PER3: variants seen among roughly 807,000 people sequenced by gnomAD.
PER3 encodes period circadian regulator 3, also known as period circadian protein homolog 3.
Under a neutral mutation model 127.2 loss-of-function variants are expected in PER3, and 107 were observed. That is an observed-to-expected ratio of 0.84 (90% confidence interval 0.72 to 0.99). The LOEUF is 0.99. PER3 is among the 50% of genes least tolerant of loss of function. The pLI, the probability that PER3 is intolerant of heterozygous loss-of-function variation, is 0.00. For synonymous variants in PER3, 618 were observed against 585.8 expected, an observed-to-expected ratio of 1.05 and a Z score of -0.79; for missense variants, 1,560 against 1,525.8, an observed-to-expected ratio of 1.02 and a Z score of -0.37.
intron 16 of PER3, among the ~76,000 whole-genome samples, chr1:7,823,551 AG>A (rs2097287561): frequency 1.3e-5 from 2 of 152,088 alleles, no homozygotes; most frequent in Non-Finnish European, 2.9e-5. Context: ...CTGAGGCAGG[AG>A]AATCGCTTGA....
At chr1:7,794,091 C>A in intron 6 of PER3, 83 bp downstream of exon 6, 1 of 1,078,410 alleles carries the variant, frequency 9.3e-7, no homozygotes, top group Non-Finnish European at 1.4e-6. Flanking sequence ...CTTGTGTATT[C>A]AGCTCACTTC....
At chr1:7,803,987 G>A in intron 10 of PER3, 139 bp downstream of exon 10, 1 of 650,446 alleles carries the variant, frequency 1.5e-6, no homozygotes, top group Non-Finnish European at 2.6e-6. Flanking sequence ...TGGGGAGACA[G>A]TTTGACAGTG....
intron 19 of PER3, among the ~76,000 whole-genome samples, chr1:7,831,010 C>T (rs952258582): frequency 2.6e-5 from 4 of 152,086 alleles, no homozygotes; most frequent in Non-Finnish European, 4.4e-5. Flanking sequence ...AAAAAAGTCT[C>T]GTGGTGTTTG....
Position 7,827,504 on chromosome 1 carries a change from T to C in PER3, c.2575T>C (p.Phe859Leu), listed in dbSNP as rs2097307742. Residue 859 changes from phenylalanine to leucine, a missense_variant, in exon 18 of 22, where the codon TTC becomes CTC. Coordinates refer to ENST00000377532, the MANE Select transcript of PER3 (RefSeq NM_001377275.1). ...FPYLDTFMTV[F>L]LPDPPVCPLL... is the part of the protein sequence containing the mutation. ...TTACTTGGATACTTTTATGACCGTTTTCCTGCCTGACCCCCCTGTCTGTCC... is the reference window on the plus strand; with the variant it reads ...TTACTTGGATACTTTTATGACCGTTCTCCTGCCTGACCCCCCTGTCTGTCC... The C allele has an allele frequency of 1.9e-6, 3 of 1,614,108 alleles. No individual in the cohort carries two copies. In the African/African-American group the frequency reaches 4.0e-5, roughly 22 times the overall value.
chr1:7,815,192 A>G (rs1456157618), intron 13 of PER3, among the ~76,000 whole-genome samples: 6 of 152,238 alleles, frequency 3.9e-5, no homozygotes, highest in Non-Finnish European at 8.8e-5. Context: ...TAATCCAGCA[A>G]CATCAGCAAT....
rs1482647503 is a variant in PER3 at position 7,786,763 on chromosome 1, C to T, written c.317C>T (p.Pro106Leu). Reference sequence around the variant, plus strand: ...CAGATTCTCAGTCAGAATGGAGCACCTCAGGCAGATGTGAGCATGTACAGT... The same window carrying T: ...CAGATTCTCAGTCAGAATGGAGCACTTCAGGCAGATGTGAGCATGTACAGT... Reference protein sequence around the residue: ...FFQILSQNGAPQADVSMYSLE... With the variant: ...FFQILSQNGALQADVSMYSLE... Residue 106 changes from proline (P) to leucine (L), a missense_variant, in exon 4 of 22, where the codon CCT becomes CTT. Around this residue, in one of 3 missense-constraint regions of PER3, gnomAD observed 1,332 missense variants for 1,223.6 expected, o/e 1.09. Transcript: ENST00000377532. 6.2e-7 allele frequency: 1 copy of T among 1,612,410 alleles called. No individual in the cohort carries two copies. The highest frequency in any genetic ancestry group is 1.1e-5 in the South Asian group (1 of 91,054).
intron 13 of PER3, among the ~76,000 whole-genome samples, chr1:7,816,853 C>T (rs1002467527): frequency 1.3e-5 from 2 of 152,200 alleles, no homozygotes; most frequent in African/African-American, 2.4e-5. Context: ...CTTAAGTTCA[C>T]GCAAAAACCT....
rs146402007 is a variant in PER3 at position 7,823,132 on chromosome 1, C to T, written c.1957+2492C>T. Among the ~76,000 whole-genome samples, 489 of 152,178 alleles carry T rather than the reference C, an allele frequency of 3.2e-3. 16 individuals carry two copies. Among genetic ancestry groups the T allele is most frequent in the Admixed American group, 0.029 (450 of 15,296 alleles). The stretch of plus-strand genomic sequence containing the variant: ...CAAAACAGATTTTTAAAAATCAAGA[C>T]CTAACTATATGCAAAGTACAAGTGA... On this transcript the variant is annotated intron_variant, in intron 16 of 21. Coordinates refer to ENST00000377532, the MANE Select transcript of PER3 (RefSeq NM_001377275.1).
chr1:7,787,356 G>A (rs1419927308), intron 4 of PER3: 2 of 279,500 alleles, frequency 7.2e-6, no homozygotes, highest in Non-Finnish European at 1.4e-5. Context: ...TGGTTGATAC[G>A]GTGGAGATTA....
chr1:7,833,596 AT>A (rs2097343277), intron 19 of PER3, among the ~76,000 whole-genome samples: 1 of 152,010 alleles, frequency 6.6e-6, no homozygotes, highest in Non-Finnish European at 1.5e-5. Flanking sequence ...AATTTTTTTC[AT>A]CTTTTTACTT....
chr1:7,810,521 A>G lies in PER3; in HGVS notation c.1455A>G (p.Ser485=). The change falls in exon 13 of 22, where the codon TCA becomes TCG. Residue 485 remains serine (S), a synonymous_variant. Transcript: ENST00000377532. ...TCTACATTGAGTCAATGACCAAATC[A>G]TCATTCAAGCCAGTGACGGGGACAC... ...QQLYIESMTK[S]SFKPVTGTRT... is the part of the protein sequence containing the mutation. The G allele has an allele frequency of 6.2e-7, 1 of 1,613,804 alleles. No individual in the cohort carries two copies. The highest frequency in any genetic ancestry group is 1.3e-5 in the African/African-American group (1 of 75,056).
At chr1:7,839,903 T>G (rs1009887272) in intron 21 of PER3, among the ~76,000 whole-genome samples, 6 of 152,122 alleles carry the variant, frequency 3.9e-5, no homozygotes, top group African/African-American at 1.4e-4. Context: ...TCTTGGACTT[T>G]TACATTCATG....
At chr1:7,788,492 C>G in intron 5 of PER3, 1 of 494,652 alleles carries the variant, frequency 2.0e-6, no homozygotes, top group Admixed American at 3.4e-5. Context: ...TATTTCATTA[C>G]CAGCGTATTG....
At chr1:7,820,400 G>A in intron 15 of PER3, 67 bp from the exon 16 acceptor site, 2 of 1,488,984 alleles carry the variant, frequency 1.3e-6, no homozygotes, top group Non-Finnish European at 9.1e-7. Context: ...TCTGTAAACT[G>A]GGTCTTTTAT....
intron 5 of PER3, among the ~76,000 whole-genome samples, chr1:7,792,375 CAT>C (rs372373791): frequency 0.011 from 1,622 of 152,302 alleles, 32 homozygotes; most frequent in African/African-American, 0.035. Context: ...CCTCCCTTGA[CAT>C]GTGGGGATTA....
In PER3 at chr1:7,793,837, A is replaced by C. The variant is rs1039344892; in HGVS notation, c.593-120A>C. The C allele has an allele frequency of 1.1e-5, 9 of 830,826 alleles. No homozygotes were observed. The Middle Eastern group carries it at 7.0e-4, about 64-fold the overall frequency. The allele number at this position is 830,826 out of a possible 1,614,324, so 51.5% of individuals were successfully genotyped here. A position where few individuals can be genotyped will look rare whatever the true frequency, so the allele number is the denominator to read the frequency against. Reference sequence around the variant, plus strand: ...AAATGAAGGAAGGGGGTTCTATTTTAATCAAGGAGACCTCTCTCTCTTTTA... The same window carrying C: ...AAATGAAGGAAGGGGGTTCTATTTTCATCAAGGAGACCTCTCTCTCTTTTA... On this transcript the variant is annotated intron_variant, in intron 5 of 21. Coordinates refer to ENST00000377532, the MANE Select transcript of PER3 (RefSeq NM_001377275.1).
intron 19 of PER3, among the ~76,000 whole-genome samples, chr1:7,832,412 C>CT (rs1265480495): frequency 1.2e-4 from 17 of 136,772 alleles, no homozygotes; most frequent in African/African-American, 4.3e-4. Context: ...CTGGCACTGT[C>CT]ACCTGGGCTG....
rs770496921 is a variant in PER3, at chr1:7,810,246, G to A, written c.1372-192G>A. 3 of 621,924 alleles carry A rather than the reference G, an allele frequency of 4.8e-6. No homozygotes were observed. The South Asian group carries it at 6.6e-5, about 14-fold the overall frequency. The allele number at this position is 621,924 out of a possible 1,614,324, so 38.5% of individuals were successfully genotyped here. A position where few individuals can be genotyped will look rare whatever the true frequency, so the allele number is the denominator to read the frequency against. ...TATGCGTTCTAAAAATTAGCATATT[G>A]TGAACAGATTTATTTAGAATTTGTT... On this transcript the variant is annotated intron_variant, in intron 12 of 21. Transcript: ENST00000377532.
chr1:7,826,027 G>A lies in PER3; in HGVS notation c.1958-453G>A, dbSNP rs1274509707. Among the ~76,000 whole-genome samples, 4 of 152,254 alleles carry A rather than the reference G, an allele frequency of 2.6e-5. No individual in the cohort carries two copies. In the South Asian group the frequency reaches 6.2e-4, roughly 24 times the overall value. ...GGAGGTTGCAGTGAGCCATGACGGC[G>A]CCACTTCACTCCAGCGGAATGGTCT... is the stretch of plus-strand genomic sequence containing the variant. On this transcript the variant is annotated intron_variant, in intron 16 of 21. Coordinates refer to ENST00000377532, the MANE Select transcript of PER3 (RefSeq NM_001377275.1). This position sits in a 1 kb window ranked among gnomAD's most constrained non-coding sequence, Gnocchi z 4.2.
Sources: allele counts gnomAD v4.1 joint callset (sites outside exome capture counted in the v4.1 genomes callset), GRCh38; gene constraint gnomAD v4.1.1; regional missense constraint gnomAD v4.1.1; non-coding constraint Gnocchi (gnomAD v3.1); transcripts MANE v1.5; gene names NCBI Gene and HGNC (gene_info 2026-07-23, HGNC 2026-07-21).